The following LHFPL2 variants were observed in gnomAD, a reference collection of about 807,000 sequenced individuals.
LHFPL2 encodes LHFPL tetraspan subfamily member 2.
A neutral mutation model predicts 17.5 loss-of-function variants in LHFPL2; 7 were observed. That is an observed-to-expected ratio of 0.40 (90% CI 0.23 to 0.75). The LOEUF (loss-of-function observed/expected upper bound fraction) is 0.75, where lower values mean the gene tolerates loss of function less well. LHFPL2 is among the 30% of genes least tolerant of loss of function. The pLI is 0.37. For missense variants in LHFPL2, 241 were observed against 294.8 expected, an observed-to-expected ratio of 0.82 and a Z score of 1.34; for synonymous variants, 134 against 116.2, an observed-to-expected ratio of 1.15 and a Z score of -0.99.
intron 3 of LHFPL2, among the ~76,000 whole-genome samples, chr5:78,542,277 A>C (rs1053301813): frequency 6.6e-6 from 1 of 152,126 alleles, no homozygotes; most frequent in East Asian, 1.9e-4. Context: ...CCAGTTTCTG[A>C]ATGGGAAATG....
chr5:78,642,605 AAG>A (rs1745709786), intron 1 of LHFPL2, among the ~76,000 whole-genome samples: 1 of 152,176 alleles, frequency 6.6e-6, no homozygotes, highest in South Asian at 2.1e-4. Context: ...CACGCCAAGC[AAG>A]AGAGGGAGGC....
chr5:78,641,393 A>ACTG (rs1301903715), intron 1 of LHFPL2, among the ~76,000 whole-genome samples: 1 of 152,222 alleles, frequency 6.6e-6, no homozygotes, highest in African/African-American at 2.4e-5. Flanking sequence ...AATTGTTTCT[A>ACTG]CTGCTGATGT....
chr5:78,602,318 G>A (rs1377539358), intron 2 of LHFPL2, among the ~76,000 whole-genome samples: 1 of 152,192 alleles, frequency 6.6e-6, no homozygotes, highest in African/African-American at 2.4e-5. Flanking sequence ...ACAGAAACAT[G>A]AAAGATGCAG....
intron 1 of LHFPL2, among the ~76,000 whole-genome samples, chr5:78,634,541 C>T (rs1363281042): frequency 6.6e-6 from 1 of 152,250 alleles, no homozygotes; most frequent in Non-Finnish European, 1.5e-5. Context: ...CACACCGCCA[C>T]ACCTGCTAGC....
intron 2 of LHFPL2, among the ~76,000 whole-genome samples, chr5:78,586,705 A>T (rs942295588): frequency 6.6e-6 from 1 of 151,970 alleles, no homozygotes; most frequent in Admixed American, 6.6e-5. Context: ...AACAGCAAAA[A>T]CTTCCCGGTT....
At chr5:78,610,320 G>A (rs1336715277) in intron 2 of LHFPL2, among the ~76,000 whole-genome samples, 1 of 152,222 alleles carries the variant, frequency 6.6e-6, no homozygotes, top group African/African-American at 2.4e-5. Flanking sequence ...GAAGGAAAGG[G>A]CTACTAAACG....
At chr5:78,553,475 T>C (rs1195066928) in intron 3 of LHFPL2, among the ~76,000 whole-genome samples, 2 of 152,348 alleles carry the variant, frequency 1.3e-5, no homozygotes, top group East Asian at 3.9e-4. Flanking sequence ...ACTGTTGCTC[T>C]AGCATCACAC....
At chr5:78,550,731 C>T (rs10942863) in intron 3 of LHFPL2, among the ~76,000 whole-genome samples, 58,650 of 151,688 alleles carry the variant, frequency 0.39, 11,735 homozygotes, top group Middle Eastern at 0.48. Flanking sequence ...CCACCAGGCT[C>T]GGCTAATTTT....
intron 4 of LHFPL2, among the ~76,000 whole-genome samples, chr5:78,498,613 C>T (rs537242539): frequency 6.6e-6 from 1 of 152,236 alleles, no homozygotes; most frequent in South Asian, 2.1e-4. Flanking sequence ...AGTTCCCTCG[C>T]CACTGAATTT....
rs1489271719 is a variant in LHFPL2 at position 78,486,187 on chromosome 5, T to C, written c.*2710A>G. On this transcript the variant is annotated 3_prime_UTR_variant, in exon 5 of 5. Transcript: ENST00000380345. The stretch of plus-strand genomic sequence containing the variant: ...TTACACCACAGATGTTTGAAAACTA[T>C]ACAAAAACCCTTATACAATTAATGC... 1 of 152,622 alleles carries C rather than the reference T, an allele frequency of 6.6e-6. No individual in the cohort carries two copies. The highest frequency in any genetic ancestry group is 1.5e-5 in the Non-Finnish European group (1 of 68,014). 9.5% of individuals were successfully genotyped at this position (152,622 alleles called of 1,614,324 possible). A position where few individuals can be genotyped will look rare whatever the true frequency, so the allele number is the denominator to read the frequency against.
At chr5:78,498,709 C>T (rs1477203878) in intron 4 of LHFPL2, among the ~76,000 whole-genome samples, 2 of 152,188 alleles carry the variant, frequency 1.3e-5, no homozygotes, top group African/African-American at 4.8e-5. Context: ...CTCTGCAGTA[C>T]TGATCCTTAC....
rs536044969 is a variant in LHFPL2, at chr5:78,510,085, G to A, written c.129C>T (p.Gly43=). The change falls in exon 4 of 5, where the codon GGC becomes GGT. Residue 43 remains glycine, a synonymous_variant. Transcript: ENST00000380345. ...WLIGKARSRG[G]VEPAGPGGGS... ...CCCCGCCCGGGCCCGCCGGCTCCAC[G>A]CCGCCGCGGCTCCTCGCTTTCCCGA... The A allele has an allele frequency of 7.7e-5, 124 of 1,612,526 alleles. 1 individual carries two copies. In the South Asian group the frequency reaches 1.2e-3, roughly 16 times the overall value.
At chr5:78,568,011 A>C (rs894154007) in intron 2 of LHFPL2, among the ~76,000 whole-genome samples, 1 of 152,118 alleles carries the variant, frequency 6.6e-6, no homozygotes, top group African/African-American at 2.4e-5. Flanking sequence ...TGTTTCCTCT[A>C]ATCACTGAGA....
At chr5:78,519,244 A>G (rs1755378315) in intron 3 of LHFPL2, among the ~76,000 whole-genome samples, 2 of 152,186 alleles carry the variant, frequency 1.3e-5, no homozygotes, top group African/African-American at 4.8e-5. Flanking sequence ...AAAAAGGAGC[A>G]TGTCCCTGGG....
chr5:78,533,258 G>A (rs1289864519), intron 3 of LHFPL2, among the ~76,000 whole-genome samples: 2 of 152,190 alleles, frequency 1.3e-5, no homozygotes, highest in Non-Finnish European at 2.9e-5. Flanking sequence ...TGAAGATAGA[G>A]GCTGAGGAGC....
At chr5:78,558,837 A>C (rs760811423) in intron 3 of LHFPL2, among the ~76,000 whole-genome samples, 4 of 152,016 alleles carry the variant, frequency 2.6e-5, no homozygotes, top group Non-Finnish European at 5.9e-5. Flanking sequence ...TCCAGGCTTC[A>C]CCTCCTCTCC....
intron 2 of LHFPL2, among the ~76,000 whole-genome samples, chr5:78,586,236 A>C (rs959816164): frequency 5.3e-5 from 8 of 152,172 alleles, no homozygotes; most frequent in Admixed American, 1.3e-4. Context: ...CATCCGAAAC[A>C]TGGGAGTCAA....
At position 78,633,290 on chromosome 5, in the gene LHFPL2, C is replaced by T. The variant is rs187646941; in HGVS notation, c.-349-922G>A. On this transcript the variant is annotated intron_variant, in intron 1 of 4. Transcript: ENST00000380345. ...CCAGTGAACCACTGCTTCTGAAGCC[C>T]AGGTTCCTCCAGCATGAGGTGGTTC... 3.3e-5 allele frequency among the ~76,000 whole-genome samples: 5 copies of T among 152,322 alleles called. No homozygotes were observed. The East Asian group carries it at 9.7e-4, about 29-fold the overall frequency.
In LHFPL2 at chr5:78,545,562, A is replaced by G. The variant is rs539404243; in HGVS notation, c.-186+19251T>C. 3.3e-5 allele frequency among the ~76,000 whole-genome samples: 5 copies of G among 152,340 alleles called. No individual in the cohort carries two copies. The South Asian group carries it at 8.3e-4, about 25-fold the overall frequency. ...TCTCCCTGAGGGCCTCACTTGCTCC[A>G]TGAGACGAACTCACTACAGCGTTCA... On this transcript the variant is annotated intron_variant, in intron 3 of 4. Transcript: ENST00000380345.
Sources: allele counts gnomAD v4.1 joint callset (sites outside exome capture counted in the v4.1 genomes callset), GRCh38; gene constraint gnomAD v4.1.1; transcripts MANE v1.5; gene names NCBI Gene and HGNC (gene_info 2026-07-23, HGNC 2026-07-21).